ADAMTSL1: variants seen among roughly 807,000 people sequenced by gnomAD.
The protein encoded by ADAMTSL1 is ADAMTS-like protein 1.
ADAMTSL1 carries 126 observed loss-of-function variants against 201.8 expected under a neutral mutation model. The ratio of observed to expected loss-of-function variants is 0.62; its 90% CI spans 0.54 to 0.72. ADAMTSL1 has a LOEUF of 0.72. Ranked by LOEUF, ADAMTSL1 falls within the 30% of genes least tolerant of loss-of-function variation. The pLI is 0.00. For synonymous variants in ADAMTSL1, 1,121 were observed against 903.4 expected (o/e 1.24, Z -4.32); for missense variants, 2,679 against 2,277.8 (o/e 1.18, Z -3.59).
At chr9:18,754,875 T>C (rs955794526) in intron 16 of ADAMTSL1, among the ~76,000 whole-genome samples, 4 of 152,228 alleles carry the variant, frequency 2.6e-5, no homozygotes, top group Non-Finnish European at 5.9e-5. Context: ...ATGTCATATA[T>C]TTTGAACACC....
chr9:18,102,421 G>T (rs763627075), intron 1 of ADAMTSL1, among the ~76,000 whole-genome samples: 12 of 152,168 alleles, frequency 7.9e-5, no homozygotes, highest in Non-Finnish European at 1.5e-4. Context: ...CTTATCTTAT[G>T]AATTATATAC....
rs73644676 is a variant in ADAMTSL1 at position 18,807,947 on chromosome 9, G to A, written c.3806-9162G>A. Among the ~76,000 whole-genome samples the A allele has an allele frequency of 5.0e-3, 768 of 152,152 alleles. 10 individuals are homozygous for A. The highest frequency in any genetic ancestry group is 0.018 in the African/African-American group (731 of 41,522). ...ATCGTGTCCACAAACATAGGTACTG[G>A]CAATCACGTGGCAGTCATCACACAG... On this transcript the variant is annotated intron_variant, in intron 20 of 28. Coordinates refer to ENST00000380548, the MANE Select transcript of ADAMTSL1 (RefSeq NM_001040272.6).
intron 3 of ADAMTSL1, among the ~76,000 whole-genome samples, chr9:18,571,100 G>A (rs1021347139): frequency 2.0e-5 from 3 of 152,178 alleles, no homozygotes; most frequent in Non-Finnish European, 2.9e-5. Context: ...AAGGTGGAAA[G>A]AACCAACACA....
intron 1 of ADAMTSL1, among the ~76,000 whole-genome samples, chr9:18,099,355 A>ATATATATATATATATATATATATAT (rs1239180390): frequency 1.8e-4 from 8 of 45,546 alleles, no homozygotes; most frequent in Non-Finnish European, 2.9e-4. Flanking sequence ...ATATATATAT[A>ATATATATATATATATATATATATAT]TTTTTTTTTT....
chr9:18,901,823 T>G (rs116287083), intron 26 of ADAMTSL1, among the ~76,000 whole-genome samples: 1,630 of 152,258 alleles, frequency 0.011, 21 homozygotes, highest in African/African-American at 0.034. Flanking sequence ...AGTAATTACT[T>G]TAAAGGAATC....
At chr9:18,462,157 G>T (rs1173707441) in intron 2 of ADAMTSL1, among the ~76,000 whole-genome samples, 1 of 152,120 alleles carries the variant, frequency 6.6e-6, no homozygotes, top group Non-Finnish European at 1.5e-5. Flanking sequence ...TGTGCTTAAG[G>T]TATACAGAAT....
At chr9:17,996,593 T>C (rs1819391115) in intron 1 of ADAMTSL1, among the ~76,000 whole-genome samples, 1 of 152,066 alleles carries the variant, frequency 6.6e-6, no homozygotes, top group Non-Finnish European at 1.5e-5. Flanking sequence ...AATGTTCTTA[T>C]TGTACTGGGT....
chr9:18,627,580 C>G (rs747929527), intron 5 of ADAMTSL1, among the ~76,000 whole-genome samples: 7 of 152,176 alleles, frequency 4.6e-5, no homozygotes, highest in African/African-American at 7.2e-5. Flanking sequence ...TTTGATTTTC[C>G]TGCTCCTGGA....
intron 19 of ADAMTSL1, among the ~76,000 whole-genome samples, chr9:18,791,154 C>G (rs1490300657): frequency 6.6e-6 from 1 of 152,188 alleles, no homozygotes; most frequent in Admixed American, 6.5e-5. Flanking sequence ...AGGAATCTCT[C>G]TCTCTAGTCG....
chr9:18,603,291 A>G (rs1824779672), intron 4 of ADAMTSL1, among the ~76,000 whole-genome samples: 1 of 152,232 alleles, frequency 6.6e-6, no homozygotes, highest in Non-Finnish European at 1.5e-5. Context: ...TATGCAGCTA[A>G]TAAATAGCAG....
intron 1 of ADAMTSL1, among the ~76,000 whole-genome samples, chr9:17,960,957 C>G (rs889548746): frequency 6.6e-6 from 1 of 152,090 alleles, no homozygotes; most frequent in South Asian, 2.1e-4. Context: ...GAATCTTTTG[C>G]TAAGATTATG....
At chr9:18,694,661 C>T (rs2031665591) in intron 13 of ADAMTSL1, among the ~76,000 whole-genome samples, 1 of 152,164 alleles carries the variant, frequency 6.6e-6, no homozygotes, top group East Asian at 1.9e-4. Context: ...CCTTGGGCAT[C>T]TCCACCCCTA....
intron 1 of ADAMTSL1, among the ~76,000 whole-genome samples, chr9:17,956,834 C>T (rs372712805): frequency 9.9e-5 from 15 of 152,250 alleles, no homozygotes; most frequent in African/African-American, 3.6e-4. Context: ...CTCAGGGGGT[C>T]TGGGATATTA....
rs1290884967 is a variant in ADAMTSL1 at position 18,083,188 on chromosome 9, TG to T, written c.88-80673del. Among the ~76,000 whole-genome samples the T allele has an allele frequency of 4.6e-5, 7 of 152,274 alleles. No homozygotes were observed. In the East Asian group the frequency reaches 1.4e-3, roughly 29 times the overall value. On this transcript the variant is annotated intron_variant, in intron 1 of 29. Coordinates refer to the ADAMTSL1 transcript ENST00000680146. ...TTTGGCTACTATTGAAGGCAATATT[TG>T]AGGTTTTTAGGGCCATTGAAACAGT... is the stretch of plus-strand genomic sequence containing the variant.
chr9:18,450,655 T>C (rs1395804192), intron 2 of ADAMTSL1, among the ~76,000 whole-genome samples: 3 of 152,042 alleles, frequency 2.0e-5, no homozygotes, highest in African/African-American at 7.2e-5. Flanking sequence ...ATAGAACTTT[T>C]CTGTGACTCA....
chr9:18,485,002 T>C (rs1234385778), intron 1 of ADAMTSL1, among the ~76,000 whole-genome samples: 1 of 152,222 alleles, frequency 6.6e-6, no homozygotes, highest in African/African-American at 2.4e-5. Flanking sequence ...CATTAGTTAA[T>C]ACTCAAGAGA....
At chr9:18,399,278 T>TAC (rs1484266388) in intron 2 of ADAMTSL1, among the ~76,000 whole-genome samples, 3 of 74,610 alleles carry the variant, frequency 4.0e-5, no homozygotes, top group African/African-American at 1.6e-4. Flanking sequence ...CTGTCTGCTT[T>TAC]ACATATATAT....
At chr9:18,840,314 T>C (rs1267719140) in intron 23 of ADAMTSL1, among the ~76,000 whole-genome samples, 1 of 152,164 alleles carries the variant, frequency 6.6e-6, no homozygotes, top group Non-Finnish European at 1.5e-5. Context: ...ATTGCTTGTT[T>C]TTCTCAGGTT....
intron 4 of ADAMTSL1, among the ~76,000 whole-genome samples, chr9:18,603,660 G>T (rs1479863735): frequency 1.3e-5 from 2 of 152,134 alleles, no homozygotes; most frequent in East Asian, 3.8e-4. Context: ...TGTATTAGTT[G>T]CTTCTGTGTC....
Sources: allele counts gnomAD v4.1 joint callset (sites outside exome capture counted in the v4.1 genomes callset), GRCh38; gene constraint gnomAD v4.1.1; transcripts MANE v1.5; gene names NCBI Gene and HGNC (gene_info 2026-07-23, HGNC 2026-07-21).